DCDC1: variants seen among roughly 807,000 people sequenced by gnomAD.
The protein encoded by DCDC1 is doublecortin domain-containing protein 1.
DCDC1 carries 200 observed loss-of-function variants against 178.3 expected under a neutral mutation model. The ratio of observed to expected loss-of-function variants is 1.12; its 90% CI spans 1.00 to 1.26. The LOEUF (loss-of-function observed/expected upper bound fraction) is 1.26. Among genes scored for constraint, DCDC1 ranks in the 50% most tolerant of loss-of-function variants. The pLI is 0.00. For synonymous variants in DCDC1, 690 were observed against 604.8 expected (o/e 1.14, Z -2.07); for missense variants, 1,983 against 1,749.2 (o/e 1.13, Z -2.38).
At chr11:31,216,218 G>T (rs1973538577) in intron 9 of DCDC1, among the ~76,000 whole-genome samples, 1 of 152,144 alleles carries the variant, frequency 6.6e-6, no homozygotes, top group Non-Finnish European at 1.5e-5. Context: ...TTCCCCTAGT[G>T]GCAAGGGATC....
At chr11:31,153,818 A>ACACAC (rs61493499) in intron 9 of DCDC1, among the ~76,000 whole-genome samples, 2 of 143,382 alleles carry the variant, frequency 1.4e-5, no homozygotes, top group African/African-American at 2.9e-5. Flanking sequence ...ACACACACAC[A>ACACAC]ATTACCATAA....
intron 20 of DCDC1, among the ~76,000 whole-genome samples, chr11:30,998,485 G>C (rs1340030749): frequency 6.6e-6 from 1 of 151,952 alleles, no homozygotes; most frequent in East Asian, 1.9e-4. Flanking sequence ...TAAACAATAA[G>C]TTTAATAAAT....
intron 3 of DCDC1, among the ~76,000 whole-genome samples, chr11:31,311,088 T>C (rs562446923): frequency 1.6e-4 from 25 of 152,322 alleles, no homozygotes; most frequent in Non-Finnish European, 3.2e-4. Flanking sequence ...CCTCTATGTG[T>C]CTCCTCATTT....
chr11:30,963,510 G>C (rs553225819), intron 20 of DCDC1, among the ~76,000 whole-genome samples: 2 of 152,188 alleles, frequency 1.3e-5, no homozygotes, highest in African/African-American at 4.8e-5. Flanking sequence ...GTTCTGGCCA[G>C]ATAGGTTGTG....
chr11:31,003,087 A>AATAT (rs58682579), intron 20 of DCDC1, among the ~76,000 whole-genome samples: 1,949 of 147,168 alleles, frequency 0.013, 50 homozygotes, highest in African/African-American at 0.046. Context: ...CATATCTTTA[A>AATAT]ATATATATAT....
At chr11:31,339,050 T>A (rs1475575419) in intron 1 of DCDC1, among the ~76,000 whole-genome samples, 1 of 152,182 alleles carries the variant, frequency 6.6e-6, no homozygotes, top group Non-Finnish European at 1.5e-5. Context: ...CTCACACTGC[T>A]CCTACACTGT....
At chr11:30,957,252 ACCC>A (rs1948823698) in intron 20 of DCDC1, among the ~76,000 whole-genome samples, 1 of 151,874 alleles carries the variant, frequency 6.6e-6, no homozygotes, top group African/African-American at 2.4e-5. Context: ...GGAAAAAAGA[ACCC>A]TCTCTACACC....
chr11:30,996,084 A>G (rs1951249167), intron 20 of DCDC1, among the ~76,000 whole-genome samples: 1 of 152,168 alleles, frequency 6.6e-6, no homozygotes, highest in Admixed American at 6.5e-5. Context: ...AAACAACCCA[A>G]TTTTAAAAAG....
At chr11:31,238,849 G>A (rs983185673) in intron 9 of DCDC1, among the ~76,000 whole-genome samples, 1 of 151,964 alleles carries the variant, frequency 6.6e-6, no homozygotes, top group African/African-American at 2.4e-5. Context: ...TAATACACAC[G>A]AATCAGTATA....
Position 30,932,991 on chromosome 11 carries a change from C to CT in DCDC1, c.2716-1040dup, listed in dbSNP as rs34817365. Among the ~76,000 whole-genome samples the CT allele has an allele frequency of 1.7e-3, 254 of 145,316 alleles. 2 individuals are homozygous for CT. The highest frequency in any genetic ancestry group is 5.7e-3 in the African/African-American group (212 of 37,312). On this transcript the variant is annotated intron_variant, in intron 21 of 38. Transcript: ENST00000684477. ...GGCAAGGTCCAAGTTTATTCTTTCT[C>CT]TTTTTTTTTTTTCCTACTTTCATAA...
chr11:30,920,877 T>C lies in DCDC1; in HGVS notation c.3192A>G (p.Lys1064=). The change falls in exon 25 of 39, where the codon AAA becomes AAG. Residue 1064 remains lysine, a synonymous_variant. Transcript: ENST00000684477. ...IVSGSKLAVH[K]PVAIFGEEKQ... Reference sequence around the variant, plus strand: ...TCTCTTCTCCAAAAATTGCTACAGGTTTATGCACAGCAAGCTTGCTTCCAG... The same window carrying C: ...TCTCTTCTCCAAAAATTGCTACAGGCTTATGCACAGCAAGCTTGCTTCCAG... 1.2e-6 allele frequency: 2 copies of C among 1,613,394 alleles called. No homozygotes were observed. Among genetic ancestry groups the C allele is most frequent in the South Asian group, 2.2e-5 (2 of 90,942 alleles).
chr11:31,344,275 T>C (rs1950701969), intron 1 of DCDC1, among the ~76,000 whole-genome samples: 1 of 152,250 alleles, frequency 6.6e-6, no homozygotes, highest in Non-Finnish European at 1.5e-5. Context: ...TGACTTATGT[T>C]TTATTAACAC....
chr11:31,161,106 C>A (rs1966279989), intron 9 of DCDC1, among the ~76,000 whole-genome samples: 1 of 152,108 alleles, frequency 6.6e-6, no homozygotes, highest in Admixed American at 6.6e-5. Context: ...CTCAGCCTGA[C>A]CCAGCCTGTG....
At chr11:31,304,785 G>A (rs3847588) in intron 6 of DCDC1, among the ~76,000 whole-genome samples, 41,420 of 151,876 alleles carry the variant, frequency 0.27, 5,779 homozygotes, top group African/African-American at 0.32. Flanking sequence ...AAAAAGCATA[G>A]GAAAGTACAG....
At chr11:31,204,777 G>T (rs12295484) in intron 9 of DCDC1, among the ~76,000 whole-genome samples, 75 of 152,314 alleles carry the variant, frequency 4.9e-4, no homozygotes, top group African/African-American at 1.8e-3. Context: ...AGCCGAGATT[G>T]TGCCACTGCA....
intron 20 of DCDC1, among the ~76,000 whole-genome samples, chr11:31,012,320 G>C (rs1952222424): frequency 1.3e-5 from 2 of 152,142 alleles, no homozygotes; most frequent in South Asian, 4.1e-4. Context: ...AAAATAGGCT[G>C]GGTGCAGTGG....
intron 9 of DCDC1, among the ~76,000 whole-genome samples, chr11:31,168,308 T>G (rs1966857714): frequency 6.6e-6 from 1 of 152,200 alleles, no homozygotes; most frequent in Admixed American, 6.5e-5. Context: ...ACCTCAAAAT[T>G]TCCTACCTTT....
intron 34 of DCDC1, among the ~76,000 whole-genome samples, chr11:30,894,773 C>G (rs765891471): frequency 6.6e-6 from 1 of 152,122 alleles, no homozygotes; most frequent in African/African-American, 2.4e-5. Context: ...TAATAATAAG[C>G]CTTTCCCCCA....
intron 21 of DCDC1, among the ~76,000 whole-genome samples, chr11:30,942,263 T>C (rs1947703717): frequency 2.0e-5 from 3 of 152,176 alleles, no homozygotes; most frequent in South Asian, 4.1e-4. Context: ...AGTAGTGGGA[T>C]GGAGTCACAT....
Sources: gnomAD v4.1 joint callset for allele counts (sites outside exome capture counted in the v4.1 genomes callset) on GRCh38, gnomAD v4.1.1 for gene constraint, MANE v1.5 for transcripts, NCBI Gene and HGNC (gene_info 2026-07-23, HGNC 2026-07-21) for gene names.